TMTC2: variants seen among roughly 807,000 people sequenced by gnomAD.
TMTC2 encodes protein O-mannosyl-transferase TMTC2.
Under a neutral mutation model 82.4 loss-of-function variants are expected in TMTC2, and 43 were observed. The observed-to-expected ratio is 0.52, with a 90% confidence interval of 0.41 to 0.67. The LOEUF (loss-of-function observed/expected upper bound fraction) is 0.67, where lower values mean the gene tolerates loss of function less well. Ranked by LOEUF, TMTC2 falls within the 30% of genes least tolerant of loss-of-function variation. TMTC2 has a pLI of 0.00. For missense variants in TMTC2, 919 were observed against 1,012.4 expected (o/e 0.91, Z 1.25); for synonymous variants, 408 against 381.9 (o/e 1.07, Z -0.80).
intron 10 of TMTC2, among the ~76,000 whole-genome samples, chr12:83,057,221 G>A (rs577684688): frequency 6.6e-5 from 10 of 151,934 alleles, no homozygotes; most frequent in Middle Eastern, 3.4e-3. Context: ...AGCAGCCCCC[G>A]AACAGTTTGA....
intron 11 of TMTC2, among the ~76,000 whole-genome samples, chr12:83,062,984 T>G (rs1395430540): frequency 6.6e-6 from 1 of 151,828 alleles, no homozygotes; most frequent in East Asian, 1.9e-4. Flanking sequence ...CTGAGACCCC[T>G]AAAACAAAAG....
chr12:82,770,314 A>G (rs553136654), intron 1 of TMTC2, among the ~76,000 whole-genome samples: 7 of 152,264 alleles, frequency 4.6e-5, no homozygotes, highest in South Asian at 4.1e-4. Context: ...TTCTGAGTCT[A>G]TTGTTTATAA....
chr12:82,794,777 A>G (rs1323679626), intron 1 of TMTC2, among the ~76,000 whole-genome samples: 2 of 152,104 alleles, frequency 1.3e-5, no homozygotes, highest in Non-Finnish European at 2.9e-5. Flanking sequence ...ATGTTATCTA[A>G]CTGATGTAAG....
chr12:82,731,711 TTA>T (rs1874818439), intron 1 of TMTC2, among the ~76,000 whole-genome samples: 1 of 152,292 alleles, frequency 6.6e-6, no homozygotes, highest in African/African-American at 2.4e-5. Flanking sequence ...CACAGTCTAG[TTA>T]TGTGTGTGTG....
At chr12:82,901,237 A>T (rs1873996419) in intron 3 of TMTC2, among the ~76,000 whole-genome samples, 1 of 137,944 alleles carries the variant, frequency 7.2e-6, no homozygotes, top group Non-Finnish European at 1.5e-5. Context: ...CCTGGAATAT[A>T]TATATAGGAA....
intron 3 of TMTC2, among the ~76,000 whole-genome samples, chr12:82,916,765 AT>A (rs1324522670): frequency 6.6e-6 from 1 of 152,164 alleles, no homozygotes; most frequent in Non-Finnish European, 1.5e-5. Context: ...TTACATTAAA[AT>A]TTTTTTCTTA....
At chr12:82,989,151 C>A (rs1472829900) in intron 8 of TMTC2, among the ~76,000 whole-genome samples, 1 of 151,456 alleles carries the variant, frequency 6.6e-6, no homozygotes, top group Non-Finnish European at 1.5e-5. Flanking sequence ...GGTATGATAG[C>A]AACATGATTT....
chr12:83,107,759 C>T (rs1017476980), intron 11 of TMTC2, among the ~76,000 whole-genome samples: 2 of 65,228 alleles, frequency 3.1e-5, no homozygotes, highest in East Asian at 3.0e-4. Context: ...CTTTTTCTGC[C>T]CCATCCTTAT....
chr12:82,741,004 C>T (rs975201177), intron 1 of TMTC2, among the ~76,000 whole-genome samples: 1 of 152,194 alleles, frequency 6.6e-6, no homozygotes, highest in African/African-American at 2.4e-5. Flanking sequence ...TACCCCAGCG[C>T]TCCTCAGCCT....
intron 1 of TMTC2, among the ~76,000 whole-genome samples, chr12:82,813,640 A>C (rs994108535): frequency 9.9e-5 from 15 of 152,052 alleles, no homozygotes; most frequent in Non-Finnish European, 4.4e-5. Context: ...ATTTTTTGGC[A>C]GTCAGTTTAT....
intron 3 of TMTC2, among the ~76,000 whole-genome samples, chr12:82,905,929 G>A (rs1431695104): frequency 6.8e-6 from 1 of 147,864 alleles, no homozygotes; most frequent in Admixed American, 6.8e-5. Context: ...TGGGCAACAA[G>A]AGCGAAACTC....
intron 1 of TMTC2, among the ~76,000 whole-genome samples, chr12:82,789,165 G>C (rs1268396359): frequency 6.6e-6 from 1 of 151,938 alleles, no homozygotes; most frequent in Admixed American, 6.5e-5. Flanking sequence ...TTGTCGTTTT[G>C]AAACCAGTGT....
chr12:82,964,091 C>G (rs565779468), intron 4 of TMTC2, among the ~76,000 whole-genome samples: 1 of 151,724 alleles, frequency 6.6e-6, no homozygotes, highest in African/African-American at 2.4e-5. Context: ...ACCTCAGCAG[C>G]TGCCAAGTTG....
intron 3 of TMTC2, among the ~76,000 whole-genome samples, chr12:82,923,891 C>T (rs1875539505): frequency 6.6e-6 from 1 of 152,060 alleles, no homozygotes; most frequent in African/African-American, 2.4e-5. Flanking sequence ...TCAGAAAGGT[C>T]AGATTTCAAA....
In TMTC2 at chr12:83,097,596, A is replaced by G. The variant is rs543332197; in HGVS notation, c.2332-34614A>G. Among the ~76,000 whole-genome samples the G allele has an allele frequency of 1.4e-3, 213 of 152,332 alleles. 1 individual carries two copies. The highest frequency in any genetic ancestry group is 4.5e-3 in the African/African-American group (187 of 41,582). On this transcript the variant is annotated intron_variant, in intron 11 of 11. Transcript: ENST00000321196. ...TAAAAAAGTAAGTACAGTCCCTTCT[A>G]TTTATTAAAAAGGATTTTTATTCTG...
chr12:82,712,217 G>T (rs924138402), intron 1 of TMTC2, among the ~76,000 whole-genome samples: 1 of 152,074 alleles, frequency 6.6e-6, no homozygotes, highest in Non-Finnish European at 1.5e-5. Context: ...GGAACACAAG[G>T]CCAGGAGTTC....
At chr12:83,096,349 C>A (rs941208035) in intron 11 of TMTC2, among the ~76,000 whole-genome samples, 9 of 152,210 alleles carry the variant, frequency 5.9e-5, no homozygotes, top group African/African-American at 2.2e-4. Flanking sequence ...CATCACATCT[C>A]ACATTTCTGT....
intron 3 of TMTC2, among the ~76,000 whole-genome samples, chr12:82,899,541 A>AAT (rs1025331839): frequency 5.6e-5 from 8 of 143,722 alleles, no homozygotes; most frequent in East Asian, 2.0e-4. Context: ...ATATGTGTGG[A>AAT]ATATATATAT....
chr12:83,102,923 A>C (rs936127440), intron 11 of TMTC2, among the ~76,000 whole-genome samples: 1 of 152,164 alleles, frequency 6.6e-6, no homozygotes, highest in Non-Finnish European at 1.5e-5. Context: ...TGATTTTTAT[A>C]ATTACTTCTG....
Sources: allele counts gnomAD v4.1 joint callset (sites outside exome capture counted in the v4.1 genomes callset), GRCh38; gene constraint gnomAD v4.1.1; transcripts MANE v1.5; gene names NCBI Gene and HGNC (gene_info 2026-07-23, HGNC 2026-07-21).